Variants in GALNT17 observed in about 807,000 individuals in gnomAD.
GALNT17 encodes polypeptide N-acetylgalactosaminyltransferase 17, also known as UDP-GalNAc:polypeptide N-acetylgalactosaminyltransferase-like 3.
Under a neutral mutation model 63.7 loss-of-function variants are expected in GALNT17, and 29 were observed. The observed-to-expected ratio is 0.46, with a 90% confidence interval of 0.34 to 0.62. The LOEUF is 0.62. GALNT17 is among the 20% of genes least tolerant of loss of function. The pLI is 0.01. For synonymous variants in GALNT17, 305 were observed against 318.3 expected, an observed-to-expected ratio of 0.96 and a Z score of 0.45; for missense variants, 603 against 799.6, an observed-to-expected ratio of 0.75 and a Z score of 2.97.
At chr7:71,657,061 T>C (rs1406678238) in intron 6 of GALNT17, among the ~76,000 whole-genome samples, 3 of 152,208 alleles carry the variant, frequency 2.0e-5, no homozygotes, top group Non-Finnish European at 1.5e-5. Flanking sequence ...TATGCCCGAA[T>C]GATCCTTCCT....
chr7:71,651,040 C>A (rs902657237), intron 6 of GALNT17, among the ~76,000 whole-genome samples: 3 of 151,808 alleles, frequency 2.0e-5, no homozygotes, highest in Admixed American at 6.6e-5. Flanking sequence ...GCTGGGAATA[C>A]CAAGAATAAT....
At chr7:71,445,315 A>T (rs1416807706) in intron 5 of GALNT17, among the ~76,000 whole-genome samples, 12 of 150,412 alleles carry the variant, frequency 8.0e-5, no homozygotes, top group African/African-American at 2.9e-4. Flanking sequence ...AGCAGCTGGG[A>T]TTACAGGTGC....
At chr7:71,652,312 T>C (rs1042339653) in intron 6 of GALNT17, among the ~76,000 whole-genome samples, 1 of 152,160 alleles carries the variant, frequency 6.6e-6, no homozygotes, top group African/African-American at 2.4e-5. Context: ...ATCCCATTTC[T>C]GAGAAGCAGT....
intron 3 of GALNT17, among the ~76,000 whole-genome samples, chr7:71,395,879 C>A (rs1484288611): frequency 2.0e-5 from 3 of 152,076 alleles, no homozygotes; most frequent in African/African-American, 7.2e-5. Flanking sequence ...GCTTATTTTT[C>A]ATTAGTCTAT....
chr7:71,594,598 G>A (rs1181287601), intron 6 of GALNT17, among the ~76,000 whole-genome samples: 2 of 152,058 alleles, frequency 1.3e-5, no homozygotes, highest in Non-Finnish European at 2.9e-5. Context: ...CCAGAACCAG[G>A]ATATCATGAG....
intron 2 of GALNT17, among the ~76,000 whole-genome samples, chr7:71,377,110 A>ATAT (rs1563047531): frequency 5.0e-4 from 32 of 63,452 alleles, no homozygotes; most frequent in African/African-American, 7.1e-4. Flanking sequence ...ATAAAAATAA[A>ATAT]AAAAATATAT....
intron 1 of GALNT17, among the ~76,000 whole-genome samples, chr7:71,143,929 C>T (rs950850380): frequency 2.0e-4 from 30 of 151,888 alleles, no homozygotes; most frequent in Non-Finnish European, 4.0e-4. Context: ...GTGTTGCTGG[C>T]GTGGCTGGCC....
At chr7:71,160,598 A>G (rs577245781) in intron 1 of GALNT17, among the ~76,000 whole-genome samples, 1 of 152,212 alleles carries the variant, frequency 6.6e-6, no homozygotes, top group African/African-American at 2.4e-5. Flanking sequence ...AGCTGGGATT[A>G]CAGGTGCCTG....
At chr7:71,366,536 G>A (rs796246288) in intron 2 of GALNT17, among the ~76,000 whole-genome samples, 37 of 152,188 alleles carry the variant, frequency 2.4e-4, no homozygotes, top group African/African-American at 6.5e-4. Context: ...AGCTGAGATC[G>A]TGCCATTGCA....
intron 1 of GALNT17, among the ~76,000 whole-genome samples, chr7:71,239,231 G>A (rs1223592177): frequency 6.6e-6 from 1 of 152,136 alleles, no homozygotes; most frequent in East Asian, 1.9e-4. Context: ...AGGCTGAGGT[G>A]GGAGGATTAC....
At chr7:71,269,203 G>A (rs566130632) in intron 1 of GALNT17, among the ~76,000 whole-genome samples, 18 of 152,314 alleles carry the variant, frequency 1.2e-4, no homozygotes, top group African/African-American at 4.1e-4. Context: ...CATGGCTCAT[G>A]CCTATAATCC....
At chr7:71,602,476 T>G (rs1789980262) in intron 6 of GALNT17, among the ~76,000 whole-genome samples, 1 of 152,220 alleles carries the variant, frequency 6.6e-6, no homozygotes, top group African/African-American at 2.4e-5. Flanking sequence ...AAAGAATTGC[T>G]GTAATGTGGC....
intron 9 of GALNT17, among the ~76,000 whole-genome samples, chr7:71,698,203 A>G (rs139712512): frequency 3.9e-4 from 60 of 152,188 alleles, no homozygotes; most frequent in Non-Finnish European, 7.1e-4. Context: ...AATTATCCCC[A>G]GACATTTTCA....
intron 7 of GALNT17, among the ~76,000 whole-genome samples, chr7:71,667,617 G>C (rs904250227): frequency 6.6e-6 from 1 of 152,086 alleles, no homozygotes; most frequent in African/African-American, 2.4e-5. Flanking sequence ...AGCTTGATAT[G>C]AATGTATTAT....
At chr7:71,150,667 T>C (rs11761504) in intron 1 of GALNT17, among the ~76,000 whole-genome samples, 50,876 of 151,348 alleles carry the variant, frequency 0.34, 8,930 homozygotes, top group Middle Eastern at 0.39. Context: ...CCTGCCACCA[T>C]GCCCGGCTAA....
chr7:71,616,475 T>C (rs570479597), intron 6 of GALNT17, among the ~76,000 whole-genome samples: 2 of 147,610 alleles, frequency 1.4e-5, no homozygotes, highest in South Asian at 4.2e-4. Context: ...ATTAATTATA[T>C]ACTAATATAT....
chr7:71,365,352 G>A (rs551270725), intron 2 of GALNT17, among the ~76,000 whole-genome samples: 3 of 152,204 alleles, frequency 2.0e-5, no homozygotes, highest in Non-Finnish European at 4.4e-5. Context: ...CAATTCTCCT[G>A]TTTCAGCCTC....
chr7:71,490,736 C>T (rs1251443862), intron 5 of GALNT17, among the ~76,000 whole-genome samples: 1 of 151,424 alleles, frequency 6.6e-6, no homozygotes, highest in Non-Finnish European at 1.5e-5. Flanking sequence ...CCCATCTCTA[C>T]AAAATATAAA....
At chr7:71,223,929 A>G (rs1789635169) in intron 1 of GALNT17, among the ~76,000 whole-genome samples, 1 of 152,102 alleles carries the variant, frequency 6.6e-6, no homozygotes, top group African/African-American at 2.4e-5. Flanking sequence ...ATTCTGTGGT[A>G]TATATATACC....
Sources: gnomAD v4.1 joint callset for allele counts (sites outside exome capture counted in the v4.1 genomes callset) on GRCh38, gnomAD v4.1.1 for gene constraint, MANE v1.5 for transcripts, NCBI Gene and HGNC (gene_info 2026-07-23, HGNC 2026-07-21) for gene names.